MIS18A: variants seen among roughly 807,000 people sequenced by gnomAD.
The protein encoded by MIS18A is MIS18 kinetochore protein A.
A neutral mutation model predicts 25.0 loss-of-function variants in MIS18A; 14 were observed. That is an observed-to-expected ratio of 0.56 (90% confidence interval 0.37 to 0.88). The LOEUF is 0.88. Ranked by LOEUF, MIS18A falls within the 40% of genes least tolerant of loss-of-function variation. The pLI is 0.00. For missense variants in MIS18A, 292 were observed against 290.8 expected (o/e 1.00, Z -0.03); for synonymous variants, 134 against 118.6 (o/e 1.13, Z -0.84).
At chr21:32,185,373 G>A in the MIS18A span, among the ~76,000 whole-genome samples, 8 of 152,110 alleles carry the variant, frequency 5.3e-5, no homozygotes, top group Admixed American at 6.5e-5. Flanking sequence ...CAGCCCATTG[G>A]GCTCCTCCAG....
chr21:32,224,471 T>C, the MIS18A span, among the ~76,000 whole-genome samples: 2 of 150,774 alleles, frequency 1.3e-5, no homozygotes, highest in Middle Eastern at 3.4e-3. Flanking sequence ...ACAAGCATTC[T>C]TATACACCAG....
At chr21:32,171,778 C>T in the MIS18A span, among the ~76,000 whole-genome samples, 58 of 152,042 alleles carry the variant, frequency 3.8e-4, 1 homozygote, top group African/African-American at 1.3e-3. Flanking sequence ...CATTGTTATA[C>T]GGCACATGAT....
In MIS18A at chr21:32,268,407, T is replaced by G. The variant is rs959115252; in HGVS notation, c.*630A>C. On this transcript the variant is annotated 3_prime_UTR_variant, in exon 5 of 5. Transcript: ENST00000290130. ...ATAGTAGTACATAAGCAGGAAAAAG[T>G]AAAATCCTACTATATATAAGCAACT... The G allele has an allele frequency of 3.2e-4, 48 of 152,298 alleles. No homozygotes were observed. The highest frequency in any genetic ancestry group is 1.1e-3 in the African/African-American group (47 of 41,566). The allele number at this position is 152,298 out of a possible 1,614,324, so 9.4% of individuals were successfully genotyped here.
chr21:32,185,200 A>G, the MIS18A span, among the ~76,000 whole-genome samples: 1 of 151,882 alleles, frequency 6.6e-6, no homozygotes, highest in South Asian at 2.1e-4. Context: ...CACCTCCCCC[A>G]CAGCTGGTTT....
chr21:32,256,497 C>A, the MIS18A span, among the ~76,000 whole-genome samples: 1 of 152,158 alleles, frequency 6.6e-6, no homozygotes, highest in Admixed American at 6.6e-5. Context: ...AGTACGGTGA[C>A]ACGTGTGCTG....
the MIS18A span, among the ~76,000 whole-genome samples, chr21:32,253,231 A>G: frequency 6.6e-6 from 1 of 152,224 alleles, no homozygotes; most frequent in East Asian, 1.9e-4. Context: ...GGAAGGCTCT[A>G]TGCCGCTTTG....
the MIS18A span, among the ~76,000 whole-genome samples, chr21:32,201,485 C>T: frequency 6.6e-6 from 1 of 152,082 alleles, no homozygotes; most frequent in African/African-American, 2.4e-5. Flanking sequence ...TTTTGGGATC[C>T]CCAGTTGTCC....
At chr21:32,276,004 G>C (rs916369076) in intron 1 of MIS18A, among the ~76,000 whole-genome samples, 1 of 152,116 alleles carries the variant, frequency 6.6e-6, no homozygotes, top group Non-Finnish European at 1.5e-5. Flanking sequence ...GTACTCACTA[G>C]AACAGATTAC....
chr21:32,260,094 T>TTTTTTTTTTTTTTC, the MIS18A span: 2 of 151,044 alleles, frequency 1.3e-5, no homozygotes, highest in Admixed American at 1.3e-4. Flanking sequence ...CTTTTTTTTT[T>TTTTTTTTTTTTTTC]TCAGATTTTT....
At chr21:32,250,443 A>G in the MIS18A span, among the ~76,000 whole-genome samples, 1 of 152,132 alleles carries the variant, frequency 6.6e-6, no homozygotes, top group African/African-American at 2.4e-5. Flanking sequence ...CTGAGCCCCA[A>G]TCCACGTGAC....
intron 4 of MIS18A, among the ~76,000 whole-genome samples, 158 bp from the exon 5 acceptor site, chr21:32,269,275 A>G (rs916225751): frequency 3.9e-5 from 6 of 152,216 alleles, no homozygotes; most frequent in Non-Finnish European, 8.8e-5. Context: ...TAGAGGCATA[A>G]ATTTTTTAAA....
chr21:32,178,929 T>TA, the MIS18A span, among the ~76,000 whole-genome samples: 13 of 152,274 alleles, frequency 8.5e-5, no homozygotes, highest in South Asian at 2.1e-4. Context: ...TCTCAGCATC[T>TA]ATCTTCAGCT....
chr21:32,235,519 C>G, the MIS18A span, among the ~76,000 whole-genome samples: 21 of 152,178 alleles, frequency 1.4e-4, no homozygotes, highest in Non-Finnish European at 2.8e-4. Flanking sequence ...CACAGTGACT[C>G]TGGCAGCCAC....
At chr21:32,271,961 G>T (rs555903732) in intron 2 of MIS18A, among the ~76,000 whole-genome samples, 1 of 152,286 alleles carries the variant, frequency 6.6e-6, no homozygotes, top group African/African-American at 2.4e-5. Flanking sequence ...CAAATCCACT[G>T]AGCCATGAAT....
chr21:32,183,449 T>C, the MIS18A span, among the ~76,000 whole-genome samples: 3 of 152,256 alleles, frequency 2.0e-5, no homozygotes, highest in Admixed American at 2.0e-4. Flanking sequence ...TTTTCTCATA[T>C]ACAATAAGTA....
At chr21:32,236,259 T>C in the MIS18A span, among the ~76,000 whole-genome samples, 2 of 150,854 alleles carry the variant, frequency 1.3e-5, no homozygotes, top group Non-Finnish European at 2.9e-5. Context: ...GGCGAGCACC[T>C]GTGGTCTCAG....
At chr21:32,189,947 A>G in the MIS18A span, among the ~76,000 whole-genome samples, 2 of 152,186 alleles carry the variant, frequency 1.3e-5, no homozygotes, top group East Asian at 3.8e-4. Flanking sequence ...CAGTTACCCA[A>G]CAAATACTCA....
At chr21:32,194,037 C>T in the MIS18A span, among the ~76,000 whole-genome samples, 299 of 152,234 alleles carry the variant, frequency 2.0e-3, 1 homozygote, top group Middle Eastern at 6.8e-3. Context: ...GGGAAACCCC[C>T]AGCTGAGAGC....
At chr21:32,172,568 T>A in the MIS18A span, among the ~76,000 whole-genome samples, 2 of 142,274 alleles carry the variant, frequency 1.4e-5, no homozygotes, top group Non-Finnish European at 3.0e-5. Context: ...CCAGATGCGT[T>A]TTTTTTCCTT....
Sources: gnomAD v4.1 joint callset for allele counts (sites outside exome capture counted in the v4.1 genomes callset) on GRCh38, gnomAD v4.1.1 for gene constraint, MANE v1.5 for transcripts, NCBI Gene and HGNC (gene_info 2026-07-23, HGNC 2026-07-21) for gene names.